The following SANBR variants were observed in gnomAD, a reference collection of about 807,000 sequenced individuals.
SANBR encodes the protein SANT and BTB domain regulator of CSR, also known as SANT and BTB domain regulator of class switch recombination.
A neutral mutation model predicts 101.8 loss-of-function variants in SANBR; 77 were observed. That is an observed-to-expected ratio of 0.76 (90% CI 0.63 to 0.91). The LOEUF (loss-of-function observed/expected upper bound fraction) is 0.91. Ranked by LOEUF, SANBR falls within the 40% of genes least tolerant of loss-of-function variation. The probability of loss-of-function intolerance (pLI) is 0.00; values close to 1 mark genes in which losing one functional copy is unlikely to be tolerated. For synonymous variants in SANBR, 279 were observed against 274.7 expected, an observed-to-expected ratio of 1.02 and a Z score of -0.15; for missense variants, 875 against 853.0, an observed-to-expected ratio of 1.03 and a Z score of -0.32.
chr2:61,096,896 GT>G (rs1428336848), intron 11 of SANBR, among the ~76,000 whole-genome samples: 1 of 152,196 alleles, frequency 6.6e-6, no homozygotes, highest in Non-Finnish European at 1.5e-5. Flanking sequence ...GCTCACGCCT[GT>G]AATCCCAGCA....
intron 17 of SANBR, among the ~76,000 whole-genome samples, chr2:61,116,453 G>A (rs1684083800): frequency 6.6e-6 from 1 of 151,856 alleles, no homozygotes; most frequent in Non-Finnish European, 1.5e-5. Flanking sequence ...TATACCTTTT[G>A]AATTTTAAAC....
At chr2:61,109,668 T>A (rs1282756242) in intron 16 of SANBR, among the ~76,000 whole-genome samples, 18 of 150,540 alleles carry the variant, frequency 1.2e-4, no homozygotes, top group Admixed American at 1.2e-3. Flanking sequence ...GAAAGCATGT[T>A]TTTTTTGTGT....
chr2:61,133,872 G>A (rs886786536), intron 20 of SANBR, among the ~76,000 whole-genome samples: 3 of 152,150 alleles, frequency 2.0e-5, no homozygotes, highest in African/African-American at 7.2e-5. Flanking sequence ...TGTGGTAATG[G>A]TTGCATAAGT....
chr2:61,096,809 A>G (rs1255236837), intron 11 of SANBR, among the ~76,000 whole-genome samples: 1 of 152,190 alleles, frequency 6.6e-6, no homozygotes, highest in Admixed American at 6.5e-5. Context: ...CCAGTGATTC[A>G]AAGTTATGTC....
chr2:61,126,616 C>T (rs1160653662), downstream of SANBR, among the ~76,000 whole-genome samples: 2 of 152,080 alleles, frequency 1.3e-5, no homozygotes, highest in African/African-American at 2.4e-5. Flanking sequence ...GCCTGACCAA[C>T]ATGGCAAAAC....
At chr2:61,136,372 C>T (rs1034029423) in intron 21 of SANBR, among the ~76,000 whole-genome samples, 9 of 151,062 alleles carry the variant, frequency 6.0e-5, no homozygotes, top group African/African-American at 9.7e-5. Flanking sequence ...CAGTGGCTCA[C>T]GCCTGTAATC....
chr2:61,089,219 T>G (rs1682611537), intron 10 of SANBR: 2 of 984,624 alleles, frequency 2.0e-6, no homozygotes, highest in Non-Finnish European at 2.4e-6. Flanking sequence ...CAGTATTTCA[T>G]TAATATGTAG....
chr2:61,114,818 G>A (rs1442874337), intron 16 of SANBR, among the ~76,000 whole-genome samples: 1 of 152,090 alleles, frequency 6.6e-6, no homozygotes, highest in Non-Finnish European at 1.5e-5. Context: ...ACCATGCCCA[G>A]CTAATCTTTA....
intron 13 of SANBR, among the ~76,000 whole-genome samples, chr2:61,105,146 C>T (rs1356944001): frequency 6.6e-6 from 1 of 151,616 alleles, no homozygotes; most frequent in South Asian, 2.1e-4. Flanking sequence ...TTTGAGAGGC[C>T]GAGGCAGGCC....
rs1338378671 is a variant in SANBR at position 61,065,977 on chromosome 2, G to T, written c.-197G>T. 1.3e-5 allele frequency: 2 copies of T among 152,138 alleles called. No homozygotes were observed. Among genetic ancestry groups the T allele is most frequent in the South Asian group, 2.1e-4 (1 of 4,846 alleles). The allele number at this position is 152,138 out of a possible 1,614,324, so 9.4% of individuals were successfully genotyped here. On this transcript the variant is annotated 5_prime_UTR_variant, in exon 1 of 22. Transcript: ENST00000402291. ...TCAGGGCGCGAGCGCGGGCGGTGCCGACCACTGCAGGTAACAGAGGCGCTG... is the reference window on the plus strand; with the variant it reads ...TCAGGGCGCGAGCGCGGGCGGTGCCTACCACTGCAGGTAACAGAGGCGCTG...
chr2:61,100,591 T>G (rs545450501), intron 12 of SANBR, among the ~76,000 whole-genome samples: 18 of 152,310 alleles, frequency 1.2e-4, no homozygotes, highest in Admixed American at 3.9e-4. Context: ...GTAGAATGGT[T>G]GTAGATATTA....
downstream of SANBR, among the ~76,000 whole-genome samples, chr2:61,127,292 C>T (rs1336354933): frequency 6.6e-6 from 1 of 152,158 alleles, no homozygotes; most frequent in African/African-American, 2.4e-5. Flanking sequence ...TCATTTTAAT[C>T]TGCACCTGTT....
intron 12 of SANBR, among the ~76,000 whole-genome samples, chr2:61,098,253 G>A (rs1683127646): frequency 6.6e-6 from 1 of 151,604 alleles, no homozygotes; most frequent in African/African-American, 2.4e-5. Flanking sequence ...ACAGGCACAC[G>A]CCATCACACC....
At chr2:61,102,273 G>A (rs1683324953) in intron 12 of SANBR, among the ~76,000 whole-genome samples, 1 of 150,050 alleles carries the variant, frequency 6.7e-6, no homozygotes, top group Admixed American at 6.7e-5. Flanking sequence ...CTACTTGGGA[G>A]GCTGAGGCAG....
rs184575443 is a variant in SANBR at position 61,106,868 on chromosome 2, A to G, written c.1611+206A>G. Among the ~76,000 whole-genome samples the G allele has an allele frequency of 2.9e-3, 434 of 152,048 alleles. 1 individual carries two copies. The highest frequency in any genetic ancestry group is 9.7e-3 in the African/African-American group (402 of 41,550). ...ATAATGAATACATTTAAATTTAGGGAAAAAAACAACATGGGGCCAGCCACG... is the reference window on the plus strand; with the variant it reads ...ATAATGAATACATTTAAATTTAGGGGAAAAAACAACATGGGGCCAGCCACG... On this transcript the variant is annotated intron_variant, in intron 14 of 21. Transcript: ENST00000402291.
At chr2:61,098,590 T>C (rs1039010467) in intron 12 of SANBR, among the ~76,000 whole-genome samples, 3 of 152,356 alleles carry the variant, frequency 2.0e-5, no homozygotes, top group African/African-American at 7.2e-5. Context: ...AGGTGGTTTC[T>C]AGACTGATGG....
intron 6 of SANBR, among the ~76,000 whole-genome samples, chr2:61,078,055 G>A (rs572988128): frequency 6.6e-6 from 1 of 152,270 alleles, no homozygotes; most frequent in South Asian, 2.1e-4. Context: ...GAGATTGGTG[G>A]TCATATTAAT....
chr2:61,068,221 T>C (rs1305857352), intron 1 of SANBR, among the ~76,000 whole-genome samples: 2 of 152,200 alleles, frequency 1.3e-5, no homozygotes, highest in Non-Finnish European at 2.9e-5. Context: ...CCCCATGTTT[T>C]CATCAAACTC....
chr2:61,121,133 A>C, intron 20 of SANBR, 52 bp from the exon 21 acceptor site: 2 of 1,229,262 alleles, frequency 1.6e-6, no homozygotes, highest in Non-Finnish European at 2.3e-6. Flanking sequence ...TTAATAAAGC[A>C]GAGCTTCTAT....
Sources: allele counts gnomAD v4.1 joint callset (sites outside exome capture counted in the v4.1 genomes callset), GRCh38; gene constraint gnomAD v4.1.1; transcripts MANE v1.5; gene names NCBI Gene and HGNC (gene_info 2026-07-23, HGNC 2026-07-21).